Variants in PAN3 observed in about 807,000 individuals in gnomAD.
PAN3 encodes PAN2-PAN3 deadenylation complex subunit PAN3.
Under a neutral mutation model 96.2 loss-of-function variants are expected in PAN3, and 19 were observed. The ratio of observed to expected loss-of-function variants is 0.20; its 90% confidence interval spans 0.14 to 0.29. The LOEUF (loss-of-function observed/expected upper bound fraction) is 0.29. PAN3 is among the 10% of genes least tolerant of loss of function. The pLI, the probability that PAN3 is intolerant of heterozygous loss-of-function variation, is 1.00. For synonymous variants in PAN3, 433 were observed against 406.6 expected (o/e 1.06, Z -0.78); for missense variants, 882 against 1,108.1 (o/e 0.80, Z 2.90).
At chr13:28,258,348 A>G (rs2138601974) in intron 7 of PAN3, among the ~76,000 whole-genome samples, 1 of 152,360 alleles carries the variant, frequency 6.6e-6, no homozygotes, top group Non-Finnish European at 1.5e-5. Flanking sequence ...AAAGATATTT[A>G]AAACTGAACT....
chr13:28,261,379 AT>A, intron 8 of PAN3, 21 bp from the exon 9 acceptor site: 2 of 1,377,170 alleles, frequency 1.5e-6, no homozygotes, highest in Non-Finnish European at 1.9e-6. Flanking sequence ...TTAAATAAAA[AT>A]ATACTTATTT....
At chr13:28,215,924 A>C (rs1880702054) in intron 5 of PAN3, 2 of 1,145,480 alleles carry the variant, frequency 1.7e-6, no homozygotes, top group African/African-American at 3.0e-5. Flanking sequence ...CTGCCACTCT[A>C]GTCTTAATCA....
chr13:28,206,541 C>T (rs1269989063), intron 5 of PAN3, among the ~76,000 whole-genome samples: 2 of 151,790 alleles, frequency 1.3e-5, no homozygotes, highest in East Asian at 1.9e-4. Context: ...AGGCTGGTCT[C>T]GAACTCCTGA....
At chr13:28,171,376 A>G (rs1447757824) in intron 1 of PAN3, among the ~76,000 whole-genome samples, 1 of 152,158 alleles carries the variant, frequency 6.6e-6, no homozygotes, top group African/African-American at 2.4e-5. Flanking sequence ...TGGGTGTCCT[A>G]CAATTCAATT....
chr13:28,173,153 G>A (rs1213135445), intron 1 of PAN3, among the ~76,000 whole-genome samples: 3 of 152,206 alleles, frequency 2.0e-5, no homozygotes, highest in South Asian at 4.1e-4. Flanking sequence ...GCTACTTACG[G>A]CAATAGCAGG....
chr13:28,259,911 T>G (rs1226964940), intron 7 of PAN3, among the ~76,000 whole-genome samples: 1 of 151,948 alleles, frequency 6.6e-6, no homozygotes, highest in Non-Finnish European at 1.5e-5. Context: ...GTGCTGGGAT[T>G]ACAGTTGTGA....
chr13:28,289,896 GAA>G (rs1210458597), intron 18 of PAN3, among the ~76,000 whole-genome samples: 1 of 152,022 alleles, frequency 6.6e-6, no homozygotes, highest in Non-Finnish European at 1.5e-5. Context: ...AAAAAAGAAA[GAA>G]AAGATTGGGA....
At chr13:28,220,195 A>C in intron 5 of PAN3, 36 bp from the exon 6 acceptor site, 3 of 1,591,270 alleles carry the variant, frequency 1.9e-6, no homozygotes, top group South Asian at 1.1e-5. Context: ...TTTCGGCTTA[A>C]AGTGTGTTAA....
chr13:28,264,064 A>T (rs994759537), intron 9 of PAN3, among the ~76,000 whole-genome samples: 1 of 152,196 alleles, frequency 6.6e-6, no homozygotes, highest in African/African-American at 2.4e-5. Context: ...CAGTGAACAT[A>T]TTCATCTACT....
Position 28,220,384 on chromosome 13 carries a change from T to A in PAN3, c.1000+6T>A. On this transcript the variant is annotated splice_donor_region_variant and intron_variant, in intron 6 of 18. Coordinates refer to ENST00000380958, the MANE Select transcript of PAN3 (RefSeq NM_175854.8). ...TACTGCTGGATTAGCGCCAGGTAAG[T>A]TGAGTAACTATTTCCAGTGAGTTCC... is the stretch of plus-strand genomic sequence containing the variant. 1 of 1,613,074 alleles carries A rather than the reference T, an allele frequency of 6.2e-7. No individual in the cohort carries two copies. Among genetic ancestry groups the A allele is most frequent in the Non-Finnish European group, 8.5e-7 (1 of 1,179,408 alleles).
chr13:28,159,879 C>T (rs1007063437), intron 1 of PAN3, among the ~76,000 whole-genome samples: 12 of 152,058 alleles, frequency 7.9e-5, no homozygotes, highest in South Asian at 6.2e-4. Flanking sequence ...TGTAATTTAC[C>T]CATGTAGCAA....
chr13:28,140,795 C>CTGA (rs1869666122), intron 1 of PAN3, among the ~76,000 whole-genome samples: 1 of 152,092 alleles, frequency 6.6e-6, no homozygotes, highest in African/African-American at 2.4e-5. Context: ...TTTGCTAAGG[C>CTGA]TGATAATGCT....
intron 14 of PAN3, among the ~76,000 whole-genome samples, chr13:28,272,940 A>G (rs1886755126): frequency 6.6e-6 from 1 of 152,214 alleles, no homozygotes; most frequent in African/African-American, 2.4e-5. Flanking sequence ...AACGTGTCCT[A>G]AGCATAGATA....
chr13:28,277,428 A>G, intron 15 of PAN3, 52 bp downstream of exon 15: 1 of 1,542,238 alleles, frequency 6.5e-7, no homozygotes, highest in Non-Finnish European at 8.7e-7. Flanking sequence ...GCGATAAGAC[A>G]GAGCTTTTTT....
intron 18 of PAN3, among the ~76,000 whole-genome samples, chr13:28,290,682 C>A (rs1276544784): frequency 7.3e-5 from 11 of 150,728 alleles, no homozygotes; most frequent in African/African-American, 2.7e-4. Flanking sequence ...AACTCTGTAT[C>A]AAAAAAAGAA....
chr13:28,150,415 G>A (rs1006383283), intron 1 of PAN3, among the ~76,000 whole-genome samples: 8 of 152,094 alleles, frequency 5.3e-5, no homozygotes, highest in Non-Finnish European at 8.8e-5. Flanking sequence ...CATGAGGTCA[G>A]GAGATCGAGA....
intron 17 of PAN3, among the ~76,000 whole-genome samples, chr13:28,284,697 C>G (rs1210217686): frequency 6.6e-6 from 1 of 152,180 alleles, no homozygotes; most frequent in African/African-American, 2.4e-5. Flanking sequence ...CTTTTCCCCA[C>G]TGGTTTTTGA....
At chr13:28,246,212 T>C (rs545730127) in intron 6 of PAN3, among the ~76,000 whole-genome samples, 1 of 152,310 alleles carries the variant, frequency 6.6e-6, no homozygotes, top group South Asian at 2.1e-4. Flanking sequence ...GAAAAAAATG[T>C]CCATTCAAAT....
chr13:28,245,074 C>A (rs933930315), intron 6 of PAN3, among the ~76,000 whole-genome samples: 2 of 152,146 alleles, frequency 1.3e-5, no homozygotes, highest in Admixed American at 6.5e-5. Flanking sequence ...GTCTTGAACT[C>A]CTGACCTCAT....
Sources: gnomAD v4.1 joint callset for allele counts (sites outside exome capture counted in the v4.1 genomes callset) on GRCh38, gnomAD v4.1.1 for gene constraint, MANE v1.5 for transcripts, NCBI Gene and HGNC (gene_info 2026-07-23, HGNC 2026-07-21) for gene names.